Variants in FMN2 observed in about 807,000 individuals in gnomAD.
The protein encoded by FMN2 is formin 2.
In FMN2, 51 loss-of-function variants were observed where a neutral mutation model predicts 142.3. The ratio of observed to expected loss-of-function variants is 0.36; its 90% confidence interval spans 0.29 to 0.45. The LOEUF (loss-of-function observed/expected upper bound fraction) is 0.45, where lower values mean the gene tolerates loss of function less well. Ranked by LOEUF, FMN2 falls within the 20% of genes least tolerant of loss-of-function variation. The pLI is 1.00. For synonymous variants in FMN2, 882 were observed against 869.8 expected (o/e 1.01, Z -0.25); for missense variants, 1,936 against 2,122.8 (o/e 0.91, Z 1.73).
chr1:240,105,271 G>T (rs1187185633), intron 1 of FMN2, among the ~76,000 whole-genome samples: 1 of 151,720 alleles, frequency 6.6e-6, no homozygotes, highest in African/African-American at 2.4e-5. Flanking sequence ...ACCATGCCCG[G>T]CTAATTTTTG....
At chr1:240,099,151 C>T (rs1316617247) in intron 1 of FMN2, among the ~76,000 whole-genome samples, 1 of 151,974 alleles carries the variant, frequency 6.6e-6, no homozygotes. Flanking sequence ...AGGCACTTAA[C>T]TGGGGCTATT....
Position 240,400,502 on chromosome 1 carries a change from G to A in FMN2, c.4910+7940G>A, listed in dbSNP as rs563548188. Among the ~76,000 whole-genome samples, 73 of 152,320 alleles carry A rather than the reference G, an allele frequency of 4.8e-4. 2 individuals are homozygous for A. The South Asian group carries it at 0.015, about 31-fold the overall frequency. ...GTTAACTGCTTCTAGGACCTTGTAT[G>A]TAAGCAGGCAGAAACATTTCTGCCT... On this transcript the variant is annotated intron_variant, in intron 15 of 17. Transcript: ENST00000319653.
chr1:240,144,221 A>G (rs879092012), intron 2 of FMN2: 1 of 1,543,112 alleles, frequency 6.5e-7, no homozygotes. Context: ...CTTGTCTTAA[A>G]CAAAAGCTGC....
In FMN2 at chr1:240,473,194, C is replaced by T. The variant is rs575684350; in HGVS notation, c.5142+741C>T. 2.6e-5 allele frequency among the ~76,000 whole-genome samples: 4 copies of T among 152,250 alleles called. No individual in the cohort carries two copies. The highest frequency in any genetic ancestry group is 2.1e-4 in the South Asian group (1 of 4,826). On this transcript the variant is annotated intron_variant, in intron 17 of 17. Coordinates refer to ENST00000319653, the MANE Select transcript of FMN2 (RefSeq NM_020066.5). The surrounding 1 kb of genome is among the most constrained non-coding windows in gnomAD (Gnocchi z 4.3). ...CGCTTTGCCCAGGGTGCCCAGACCC[C>T]GTTTATATCCACAGATGGCTCGGCA...
intron 4 of FMN2, among the ~76,000 whole-genome samples, chr1:240,190,111 T>A (rs576737612): frequency 2.6e-5 from 4 of 152,320 alleles, no homozygotes; most frequent in Admixed American, 2.6e-4. Flanking sequence ...TTATAGTGTT[T>A]TTCCTGAGCG....
intron 14 of FMN2, among the ~76,000 whole-genome samples, chr1:240,380,141 C>A (rs2103080397): frequency 6.6e-6 from 1 of 152,278 alleles, no homozygotes; most frequent in African/African-American, 2.4e-5. Context: ...AATGGAAAAA[C>A]ATTTATAGAA....
At chr1:240,264,387 A>AT (rs928259675) in intron 7 of FMN2, among the ~76,000 whole-genome samples, 9 of 152,142 alleles carry the variant, frequency 5.9e-5, no homozygotes, top group African/African-American at 2.2e-4. Context: ...ATTTATTTTT[A>AT]TTTTTTTATT....
chr1:240,117,575 G>C (rs1662072877), intron 1 of FMN2, among the ~76,000 whole-genome samples: 1 of 152,230 alleles, frequency 6.6e-6, no homozygotes, highest in Non-Finnish European at 1.5e-5. Context: ...GCGGAAGGAA[G>C]TGACACAGCA....
chr1:240,150,740 G>A (rs1274636062), intron 2 of FMN2, among the ~76,000 whole-genome samples: 1 of 152,106 alleles, frequency 6.6e-6, no homozygotes, highest in Non-Finnish European at 1.5e-5. Flanking sequence ...CCCCTTGGAG[G>A]TTTTGTTAGG....
intron 7 of FMN2, among the ~76,000 whole-genome samples, chr1:240,266,149 AG>A (rs2102911252): frequency 1.3e-5 from 2 of 149,366 alleles, no homozygotes; most frequent in African/African-American, 4.9e-5. Flanking sequence ...GGTACTAAGA[AG>A]AGTACTCAAT....
At chr1:240,260,205 A>G (rs964560487) in intron 7 of FMN2, among the ~76,000 whole-genome samples, 49 of 152,298 alleles carry the variant, frequency 3.2e-4, no homozygotes, top group African/African-American at 9.9e-4. Flanking sequence ...TTGTGCTGCT[A>G]TAAACATGCA....
chr1:240,320,871 G>A (rs192452756), intron 8 of FMN2, among the ~76,000 whole-genome samples: 98 of 152,278 alleles, frequency 6.4e-4, no homozygotes, highest in Non-Finnish European at 1.1e-3. Context: ...CAAAAGCAGC[G>A]GTAGGTAAAA....
chr1:240,394,072 A>G (rs1203955518), intron 15 of FMN2, among the ~76,000 whole-genome samples: 2 of 152,138 alleles, frequency 1.3e-5, no homozygotes, highest in East Asian at 3.9e-4. Context: ...AGGGAGGGGT[A>G]AGGAAGAGGA....
rs1296949237 is a variant in FMN2, at chr1:240,179,012, C to T, written c.1930+944C>T. Among the ~76,000 whole-genome samples the T allele has an allele frequency of 2.0e-5, 3 of 152,236 alleles. No homozygotes were observed. The East Asian group carries it at 5.8e-4, about 29-fold the overall frequency. ...ATAACTTAAAAGCATGGAGCTTGGG[C>T]TCTGCCAACTTATTAGCTTTGTAAT... is the stretch of plus-strand genomic sequence containing the variant. On this transcript the variant is annotated intron_variant, in intron 3 of 17. Coordinates refer to ENST00000319653, the MANE Select transcript of FMN2 (RefSeq NM_020066.5).
chr1:240,410,788 CTTTTTATTCA>C (rs1362771769), intron 15 of FMN2, among the ~76,000 whole-genome samples: 1 of 152,056 alleles, frequency 6.6e-6, no homozygotes, highest in African/African-American at 2.4e-5. Context: ...GTTCATTTCC[CTTTTTATTCA>C]TTTTTATTTC....
chr1:240,342,602 C>T (rs904346553), intron 13 of FMN2, among the ~76,000 whole-genome samples: 4 of 151,788 alleles, frequency 2.6e-5, no homozygotes, highest in African/African-American at 4.8e-5. Flanking sequence ...TTCAAGTTCT[C>T]GATATTACCA....
chr1:240,193,254 A>G (rs1665780984), intron 4 of FMN2, among the ~76,000 whole-genome samples: 1 of 152,184 alleles, frequency 6.6e-6, no homozygotes, highest in Non-Finnish European at 1.5e-5. Flanking sequence ...TTTATTGAAC[A>G]TCTGCTGACC....
chr1:240,456,281 C>T (rs1676243403), intron 16 of FMN2, among the ~76,000 whole-genome samples: 1 of 152,150 alleles, frequency 6.6e-6, no homozygotes, highest in South Asian at 2.1e-4. Context: ...GTCAGCAACA[C>T]TCAACTTTCA....
intron 15 of FMN2, among the ~76,000 whole-genome samples, chr1:240,431,403 TA>T (rs763361155): frequency 0.15 from 2,201 of 15,160 alleles, 25 homozygotes; most frequent in South Asian, 0.35. Flanking sequence ...AACCATGTTT[TA>T]TATATATATA....
Sources: gnomAD v4.1 joint callset for allele counts (sites outside exome capture counted in the v4.1 genomes callset) on GRCh38, gnomAD v4.1.1 for gene constraint, Gnocchi (gnomAD v3.1) non-coding constraint, MANE v1.5 for transcripts, NCBI Gene and HGNC (gene_info 2026-07-23, HGNC 2026-07-21) for gene names.